Variants in KCNIP4 observed in about 807,000 individuals in gnomAD.
The protein encoded by KCNIP4 is potassium voltage-gated channel interacting protein 4, also known as Kv channel-interacting protein 4.
Under a neutral mutation model 34.0 loss-of-function variants are expected in KCNIP4, and 12 were observed. The ratio of observed to expected loss-of-function variants is 0.35; its 90% CI spans 0.23 to 0.57. KCNIP4 has a LOEUF of 0.57. Among genes scored for constraint, KCNIP4 ranks in the 20% least tolerant of loss-of-function variants. The pLI, the probability that KCNIP4 is intolerant of heterozygous loss-of-function variation, is 0.83. For missense variants in KCNIP4, 238 were observed against 311.7 expected (o/e 0.76, Z 1.78); for synonymous variants, 124 against 102.2 (o/e 1.21, Z -1.29).
intron 1 of KCNIP4, among the ~76,000 whole-genome samples, chr4:21,054,517 C>G (rs925176361): frequency 9.6e-6 from 1 of 104,504 alleles, no homozygotes; most frequent in African/African-American, 3.8e-5. Flanking sequence ...GAAACTCTGT[C>G]AAAGAAAAAA....
At chr4:21,542,709 T>C (rs1211413391) in intron 1 of KCNIP4, among the ~76,000 whole-genome samples, 1 of 150,338 alleles carries the variant, frequency 6.7e-6, no homozygotes, top group African/African-American at 2.4e-5. Context: ...AAAATATATA[T>C]ATAAATATAT....
At chr4:21,006,376 C>A (rs1738559253) in intron 1 of KCNIP4, among the ~76,000 whole-genome samples, 1 of 152,144 alleles carries the variant, frequency 6.6e-6, no homozygotes, top group South Asian at 2.1e-4. Context: ...TGAATTTCTT[C>A]CCATTCTTGT....
At chr4:21,254,881 C>T (rs1387472465) in intron 1 of KCNIP4, among the ~76,000 whole-genome samples, 1 of 152,176 alleles carries the variant, frequency 6.6e-6, no homozygotes, top group Non-Finnish European at 1.5e-5. Flanking sequence ...TCTCATTGTC[C>T]CATTGTCGCT....
chr4:20,760,975 T>C (rs924949826), intron 3 of KCNIP4, among the ~76,000 whole-genome samples: 2 of 152,196 alleles, frequency 1.3e-5, no homozygotes, highest in African/African-American at 2.4e-5. Context: ...ATTTATTACA[T>C]TGATGCAAAA....
intron 1 of KCNIP4, among the ~76,000 whole-genome samples, chr4:21,261,275 A>G (rs1761452470): frequency 6.6e-6 from 1 of 152,236 alleles, no homozygotes; most frequent in Non-Finnish European, 1.5e-5. Context: ...TTGCGTAAAA[A>G]AGATAACTAA....
At chr4:21,605,693 C>A (rs1041770024) in intron 1 of KCNIP4, among the ~76,000 whole-genome samples, 39 of 152,124 alleles carry the variant, frequency 2.6e-4, no homozygotes, top group African/African-American at 9.2e-4. Context: ...GTTGGCCAGG[C>A]TGGTCTCGAA....
intron 1 of KCNIP4, among the ~76,000 whole-genome samples, chr4:21,716,803 G>A (rs1382914735): frequency 6.6e-6 from 1 of 152,114 alleles, no homozygotes; most frequent in Non-Finnish European, 1.5e-5. Flanking sequence ...GCTGTGACCT[G>A]ATATTAATGT....
chr4:21,199,118 T>C (rs1756276018), intron 1 of KCNIP4, among the ~76,000 whole-genome samples: 1 of 152,236 alleles, frequency 6.6e-6, no homozygotes, highest in Admixed American at 6.5e-5. Flanking sequence ...AAATGGTATT[T>C]CAAGTTCGAG....
intron 1 of KCNIP4, among the ~76,000 whole-genome samples, chr4:21,118,964 G>C (rs1009202588): frequency 6.6e-6 from 1 of 152,286 alleles, no homozygotes; most frequent in South Asian, 2.1e-4. Flanking sequence ...CATTATGTTT[G>C]AAATGACAGA....
chr4:21,540,330 C>A (rs991077353), intron 1 of KCNIP4, among the ~76,000 whole-genome samples: 3 of 152,108 alleles, frequency 2.0e-5, no homozygotes, highest in Non-Finnish European at 4.4e-5. Context: ...CACCTGACAA[C>A]CTTTAATAAC....
intron 1 of KCNIP4, among the ~76,000 whole-genome samples, chr4:21,867,425 T>A (rs1451979367): frequency 1.3e-5 from 2 of 152,184 alleles, no homozygotes; most frequent in Admixed American, 1.3e-4. Context: ...CAGAGTTAGT[T>A]TGCAAATTCT....
chr4:21,369,306 G>T (rs1720097119), intron 1 of KCNIP4, among the ~76,000 whole-genome samples: 1 of 147,264 alleles, frequency 6.8e-6, no homozygotes, highest in Non-Finnish European at 1.5e-5. Context: ...ATGTTCTGAA[G>T]ATATAAAGAT....
chr4:21,708,064 T>G (rs974585515), intron 1 of KCNIP4, among the ~76,000 whole-genome samples: 1 of 151,948 alleles, frequency 6.6e-6, no homozygotes, highest in African/African-American at 2.4e-5. Context: ...GGAACTGGGG[T>G]TCTAATTTCA....
At chr4:21,573,585 T>C (rs1161564189) in intron 1 of KCNIP4, among the ~76,000 whole-genome samples, 1 of 152,176 alleles carries the variant, frequency 6.6e-6, no homozygotes, top group Non-Finnish European at 1.5e-5. Context: ...TTAATTCATC[T>C]ATGTAAGGCC....
intron 1 of KCNIP4, among the ~76,000 whole-genome samples, chr4:21,572,502 G>T (rs1274606901): frequency 6.6e-6 from 1 of 151,988 alleles, no homozygotes; most frequent in Admixed American, 6.6e-5. Flanking sequence ...GGACCTTACT[G>T]TATTAATATA....
At position 21,198,307 on chromosome 4, in the gene KCNIP4, T is replaced by C. The variant is rs538174802; in HGVS notation, c.62-315598A>G. 8.5e-5 allele frequency among the ~76,000 whole-genome samples: 13 copies of C among 152,326 alleles called. 1 individual carries two copies. The South Asian group carries it at 2.5e-3, about 29-fold the overall frequency. ...GAGTTTTAACCTCTAGAGCCACTGC[T>C]AGCATTAGTGCTCCCTCTGTTTACA... On this transcript the variant is annotated intron_variant, in intron 1 of 8. Transcript: ENST00000382152.
intron 1 of KCNIP4, among the ~76,000 whole-genome samples, chr4:21,244,516 G>A (rs1321889879): frequency 6.6e-6 from 1 of 152,130 alleles, no homozygotes; most frequent in Admixed American, 6.6e-5. Context: ...AAAGCTGTTT[G>A]CAATTGACTG....
At chr4:21,526,009 G>A (rs1364016254) in intron 1 of KCNIP4, among the ~76,000 whole-genome samples, 1 of 152,032 alleles carries the variant, frequency 6.6e-6, no homozygotes, top group Non-Finnish European at 1.5e-5. Flanking sequence ...TTAACTGGAA[G>A]TTTTCTTCGA....
chr4:21,733,397 T>C (rs752057156), intron 1 of KCNIP4, among the ~76,000 whole-genome samples: 3 of 152,166 alleles, frequency 2.0e-5, no homozygotes, highest in African/African-American at 4.8e-5. Flanking sequence ...AATAGAAGAA[T>C]ATGTTGTCTA....
Sources: allele counts gnomAD v4.1 joint callset (sites outside exome capture counted in the v4.1 genomes callset), GRCh38; gene constraint gnomAD v4.1.1; transcripts MANE v1.5; gene names NCBI Gene and HGNC (gene_info 2026-07-23, HGNC 2026-07-21).